GRM8: variants seen among roughly 807,000 people sequenced by gnomAD.
GRM8 encodes the protein glutamate metabotropic receptor 8.
In GRM8, 47 loss-of-function variants were observed where a neutral mutation model predicts 87.2. The observed-to-expected ratio is 0.54, with a 90% confidence interval of 0.43 to 0.69. The LOEUF (loss-of-function observed/expected upper bound fraction) is 0.69, where lower values mean the gene tolerates loss of function less well. Ranked by LOEUF, GRM8 falls within the 30% of genes least tolerant of loss-of-function variation. The pLI is 0.00. For synonymous variants in GRM8, 396 were observed against 404.5 expected (o/e 0.98, Z 0.25); for missense variants, 1,019 against 1,139.2 (o/e 0.89, Z 1.52).
At chr7:127,155,093 A>G (rs1230851074) in intron 2 of GRM8, among the ~76,000 whole-genome samples, 1 of 152,168 alleles carries the variant, frequency 6.6e-6, no homozygotes, top group Non-Finnish European at 1.5e-5. Flanking sequence ...TACAGACTTG[A>G]AAGTATAAGT....
At chr7:126,719,788 G>A (rs1160517779) in intron 7 of GRM8, among the ~76,000 whole-genome samples, 2 of 143,102 alleles carry the variant, frequency 1.4e-5, no homozygotes, top group Non-Finnish European at 3.0e-5. Flanking sequence ...TTGAAGAGTG[G>A]GTGGATTTTT....
rs554954760 is a variant in GRM8, at chr7:127,154,744, T to A, written c.511-48032A>T. ...CCCATGGACTATAACTTTTTTTTTT[T>A]AACTAATTTCAGGAACACATACGAT... is the stretch of plus-strand genomic sequence containing the variant. On this transcript the variant is annotated intron_variant, in intron 2 of 10. Coordinates refer to ENST00000339582, the MANE Select transcript of GRM8 (RefSeq NM_000845.3). 8.5e-5 allele frequency among the ~76,000 whole-genome samples: 13 copies of A among 152,238 alleles called. No individual in the cohort carries two copies. In the South Asian group the frequency reaches 2.7e-3, roughly 32 times the overall value.
At chr7:126,466,765 G>C (rs943513848) in intron 9 of GRM8, among the ~76,000 whole-genome samples, 1 of 151,834 alleles carries the variant, frequency 6.6e-6, no homozygotes, top group Non-Finnish European at 1.5e-5. Flanking sequence ...TGGATTGGAT[G>C]ATGCCCACCC....
chr7:126,633,567 A>G (rs1801555063), intron 7 of GRM8, among the ~76,000 whole-genome samples: 2 of 152,164 alleles, frequency 1.3e-5, no homozygotes, highest in South Asian at 4.1e-4. Flanking sequence ...GCTAAAACAA[A>G]TGATCGAAAC....
rs994825811 is a variant in GRM8, at chr7:126,610,124, G to A, written c.1358-626C>T. On this transcript the variant is annotated intron_variant, in intron 7 of 10. Transcript: ENST00000339582. ...CTTCACAGTGACAGGTCTAACAGTG[G>A]CAGAGCAGCAGGGTGCAAGAACTGT... is the stretch of plus-strand genomic sequence containing the variant. Among the ~76,000 whole-genome samples, 3 of 152,168 alleles carry A rather than the reference G, an allele frequency of 2.0e-5. No homozygotes were observed. In the East Asian group the frequency reaches 5.8e-4, roughly 29 times the overall value.
At chr7:126,786,352 TAAAC>T (rs1314708463) in intron 6 of GRM8, among the ~76,000 whole-genome samples, 16 of 152,140 alleles carry the variant, frequency 1.1e-4, no homozygotes, top group Non-Finnish European at 1.5e-4. Flanking sequence ...GTTTACAAAA[TAAAC>T]AAGGAAAAAA....
chr7:127,140,447 T>G (rs1434029750), intron 2 of GRM8, among the ~76,000 whole-genome samples: 1 of 152,192 alleles, frequency 6.6e-6, no homozygotes, highest in Non-Finnish European at 1.5e-5. Flanking sequence ...ATAATATTTC[T>G]ACACTACAAT....
chr7:127,110,617 T>A (rs940377393), intron 2 of GRM8, among the ~76,000 whole-genome samples: 24 of 151,846 alleles, frequency 1.6e-4, no homozygotes, highest in African/African-American at 4.6e-4. Context: ...CCTCTTTTTT[T>A]AAAAAAAAAT....
At chr7:127,048,266 T>C (rs2132465893) in intron 3 of GRM8, among the ~76,000 whole-genome samples, 1 of 152,226 alleles carries the variant, frequency 6.6e-6, no homozygotes, top group South Asian at 2.1e-4. Context: ...CCCAAGCCCA[T>C]GGCAGGAGCA....
chr7:126,470,589 A>G (rs2150554403), intron 9 of GRM8, among the ~76,000 whole-genome samples: 1 of 152,084 alleles, frequency 6.6e-6, no homozygotes, highest in East Asian at 1.9e-4. Context: ...CCAGTCTATC[A>G]TTGTTGGACA....
At chr7:127,126,333 T>A (rs965713495) in intron 2 of GRM8, among the ~76,000 whole-genome samples, 2 of 151,938 alleles carry the variant, frequency 1.3e-5, no homozygotes, top group African/African-American at 4.8e-5. Flanking sequence ...TGCAGCAACA[T>A]GAATGGAGCT....
At chr7:126,814,690 G>A (rs1350095375) in intron 6 of GRM8, among the ~76,000 whole-genome samples, 1 of 145,016 alleles carries the variant, frequency 6.9e-6, no homozygotes, top group African/African-American at 2.5e-5. Context: ...CACTAATAAT[G>A]GTTCTTTTTC....
At chr7:127,103,359 T>C (rs1399190916) in intron 3 of GRM8, among the ~76,000 whole-genome samples, 2 of 152,156 alleles carry the variant, frequency 1.3e-5, no homozygotes, top group Non-Finnish European at 1.5e-5. Context: ...CTTGGTGCTG[T>C]CTTCAAGATA....
intron 7 of GRM8, among the ~76,000 whole-genome samples, chr7:126,611,530 G>A (rs192845570): frequency 2.4e-4 from 37 of 152,254 alleles, no homozygotes; most frequent in East Asian, 1.2e-3. Context: ...GGAAAAACAC[G>A]TATGTTGAGA....
In GRM8 at chr7:127,030,218, G is replaced by T. The variant is rs148198427; in HGVS notation, c.727+76278C>A. 6.5e-3 allele frequency among the ~76,000 whole-genome samples: 992 copies of T among 152,100 alleles called. 9 individuals carry two copies. The highest frequency in any genetic ancestry group is 0.022 in the African/African-American group (912 of 41,520). ...GGCCACTCCCCAGATGCCTACAAGTGGAGCTGCTCTAACACCTGAGGTCTT... is the reference window on the plus strand; with the variant it reads ...GGCCACTCCCCAGATGCCTACAAGTTGAGCTGCTCTAACACCTGAGGTCTT... On this transcript the variant is annotated intron_variant, in intron 3 of 10. Transcript: ENST00000339582.
At chr7:127,202,318 C>T (rs1236315644) in intron 2 of GRM8, among the ~76,000 whole-genome samples, 1 of 152,124 alleles carries the variant, frequency 6.6e-6, no homozygotes, top group African/African-American at 2.4e-5. Context: ...GCTGGGATTA[C>T]CTGCGTGTGC....
chr7:126,862,355 C>A (rs1317323976), intron 6 of GRM8, among the ~76,000 whole-genome samples: 1 of 151,826 alleles, frequency 6.6e-6, no homozygotes, highest in Non-Finnish European at 1.5e-5. Flanking sequence ...GCTATTATTG[C>A]TACTTTGATT....
At chr7:126,465,034 T>A (rs1804329595) in intron 9 of GRM8, among the ~76,000 whole-genome samples, 1 of 151,728 alleles carries the variant, frequency 6.6e-6, no homozygotes, top group South Asian at 2.1e-4. Context: ...CCTAGCATAT[T>A]TTTTTTGATA....
chr7:126,922,835 C>A (rs1341166218), intron 3 of GRM8, among the ~76,000 whole-genome samples: 4 of 152,024 alleles, frequency 2.6e-5, no homozygotes, highest in Non-Finnish European at 5.9e-5. Flanking sequence ...AAGTATGTAG[C>A]ACCTCCCCCT....
Sources: gnomAD v4.1 joint callset for allele counts (sites outside exome capture counted in the v4.1 genomes callset) on GRCh38, gnomAD v4.1.1 for gene constraint, MANE v1.5 for transcripts, NCBI Gene and HGNC (gene_info 2026-07-23, HGNC 2026-07-21) for gene names.